The following GLRB variants were observed in gnomAD, a reference collection of about 807,000 sequenced individuals.
The protein encoded by GLRB is glycine receptor beta.
Under a neutral mutation model 54.2 loss-of-function variants are expected in GLRB, and 33 were observed. The ratio of observed to expected loss-of-function variants is 0.61; its 90% CI spans 0.46 to 0.81. GLRB has a LOEUF of 0.81. Among genes scored for constraint, GLRB ranks in the 40% least tolerant of loss-of-function variants. GLRB has a pLI of 0.00. For missense variants in GLRB, 572 were observed against 584.6 expected (o/e 0.98, Z 0.22); for synonymous variants, 209 against 208.2 (o/e 1.00, Z -0.03).
chr4:157,088,990 A>T (rs1274443484), intron 2 of GLRB, among the ~76,000 whole-genome samples: 3 of 152,150 alleles, frequency 2.0e-5, no homozygotes, highest in Non-Finnish European at 4.4e-5. Flanking sequence ...ACTTACCTTG[A>T]ATTTCCTTAA....
Position 157,171,987 on chromosome 4 carries a change from A to T in GLRB, c.*1259A>T, listed in dbSNP as rs1157588128. 6.6e-6 allele frequency: 1 copy of T among 151,892 alleles called. No individual in the cohort carries two copies. Among genetic ancestry groups the T allele is most frequent in the Admixed American group, 6.6e-5 (1 of 15,232 alleles). 9.4% of individuals were successfully genotyped at this position (151,892 alleles called of 1,614,324 possible). ...AAAACTATCAGTAATTCACATAGAT[A>T]AACATAAGACTAAAGAAGTATATTT... is the stretch of plus-strand genomic sequence containing the variant. On this transcript the variant is annotated 3_prime_UTR_variant, in exon 10 of 10. Transcript: ENST00000264428.
chr4:157,161,580 T>C (rs1345422830), intron 9 of GLRB, among the ~76,000 whole-genome samples: 2 of 152,202 alleles, frequency 1.3e-5, no homozygotes, highest in Non-Finnish European at 2.9e-5. Flanking sequence ...TATTTCTCCT[T>C]CACTTATGAA....
chr4:157,169,397 T>C (rs1737833699), intron 9 of GLRB, among the ~76,000 whole-genome samples: 2 of 152,240 alleles, frequency 1.3e-5, no homozygotes, highest in South Asian at 2.1e-4. Context: ...ACTCCTCTAA[T>C]CTAAGAGCAT....
intron 7 of GLRB, 38 bp downstream of exon 7, chr4:157,138,987 C>T: frequency 8.8e-7 from 1 of 1,142,578 alleles, no homozygotes; most frequent in Non-Finnish European, 1.3e-6. Context: ...AGTTCTATTT[C>T]AAAGATACAT....
At position 157,136,790 on chromosome 4, in the gene GLRB, A is replaced by G; in HGVS notation, c.528-14A>G. ...GTATATTAAATTATTTCTAAGACCCATTTCTGCTTCCAGGTTATCTATTAC... is the reference window on the plus strand; with the variant it reads ...GTATATTAAATTATTTCTAAGACCCGTTTCTGCTTCCAGGTTATCTATTAC... On this transcript the variant is annotated splice_polypyrimidine_tract_variant and intron_variant, in intron 5 of 9. Coordinates refer to ENST00000264428, the MANE Select transcript of GLRB (RefSeq NM_000824.5). The G allele has an allele frequency of 6.3e-7, 1 of 1,583,684 alleles. No individual in the cohort carries two copies. The highest frequency in any genetic ancestry group is 1.1e-5 in the South Asian group (1 of 90,470).
intron 5 of GLRB, 26 bp downstream of exon 5, chr4:157,136,724 G>A (rs1736416427): frequency 1.3e-6 from 2 of 1,522,916 alleles, no homozygotes; most frequent in Non-Finnish European, 1.8e-6. Context: ...TCATATTTGT[G>A]CATTTATATT....
chr4:157,079,847 A>T (rs1206779037), intron 2 of GLRB, among the ~76,000 whole-genome samples: 2 of 152,130 alleles, frequency 1.3e-5, no homozygotes, highest in Admixed American at 1.3e-4. Flanking sequence ...CTTTTCTTTG[A>T]TGAATGTTGG....
chr4:157,099,933 G>A (rs111691723), intron 2 of GLRB, among the ~76,000 whole-genome samples: 2,114 of 151,908 alleles, frequency 0.014, 36 homozygotes, highest in Non-Finnish European at 0.021. Context: ...GCACCTTTTC[G>A]CCTGTAAACT....
chr4:157,137,474 C>T (rs1736443463), intron 6 of GLRB, among the ~76,000 whole-genome samples: 1 of 149,518 alleles, frequency 6.7e-6, no homozygotes, highest in Non-Finnish European at 1.5e-5. Context: ...AAAAGTAGAA[C>T]ATAAACCTCA....
At chr4:157,144,042 C>A in intron 8 of GLRB, 83 bp downstream of exon 8, 2 of 1,367,658 alleles carry the variant, frequency 1.5e-6, no homozygotes, top group African/African-American at 1.4e-5. Context: ...TACTTTGAAA[C>A]AATGAGTTTT....
intron 2 of GLRB, among the ~76,000 whole-genome samples, chr4:157,114,567 C>T (rs1735538442): frequency 6.6e-6 from 1 of 151,568 alleles, no homozygotes; most frequent in Non-Finnish European, 1.5e-5. Context: ...TTGGTCTTTA[C>T]CTTAAGTCGT....
chr4:157,131,394 C>G (rs1413248818), intron 4 of GLRB, among the ~76,000 whole-genome samples: 1 of 151,618 alleles, frequency 6.6e-6, no homozygotes, highest in Admixed American at 6.6e-5. Flanking sequence ...ATAAACACAC[C>G]AAATTGATAC....
Position 157,152,623 on chromosome 4 carries a change from G to A in GLRB, c.905-95G>A, listed in dbSNP as rs1200264636. 3 of 945,264 alleles carry A rather than the reference G, an allele frequency of 3.2e-6. No homozygotes were observed. The African/African-American group carries it at 4.8e-5, about 15-fold the overall frequency. The allele number at this position is 945,264 out of a possible 1,614,324, so 58.6% of individuals were successfully genotyped here. A position where few individuals can be genotyped will look rare whatever the true frequency, so the allele number is the denominator to read the frequency against. On this transcript the variant is annotated intron_variant, in intron 8 of 9. Coordinates refer to ENST00000264428, the MANE Select transcript of GLRB (RefSeq NM_000824.5). ...CTGACAAATTGTTCATGGGTCATTGGAAGTTACTGGAGACGGATTTAGTCA... is the reference window on the plus strand; with the variant it reads ...CTGACAAATTGTTCATGGGTCATTGAAAGTTACTGGAGACGGATTTAGTCA...
chr4:157,078,929 C>T (rs1336808460), intron 2 of GLRB, among the ~76,000 whole-genome samples: 6 of 152,122 alleles, frequency 3.9e-5, no homozygotes, highest in Admixed American at 6.5e-5. Flanking sequence ...CCCACCACCA[C>T]GCCCAGCTAA....
At chr4:157,143,169 C>T (rs1204119426) in intron 7 of GLRB, among the ~76,000 whole-genome samples, 1 of 151,992 alleles carries the variant, frequency 6.6e-6, no homozygotes, top group Admixed American at 6.6e-5. Context: ...CTTTGAGAGC[C>T]TGAAGTAGAG....
At chr4:157,089,974 T>C (rs561700598) in intron 2 of GLRB, among the ~76,000 whole-genome samples, 1 of 152,328 alleles carries the variant, frequency 6.6e-6, no homozygotes, top group South Asian at 2.1e-4. Context: ...GGTTTAGAAA[T>C]GATTATTGCA....
At chr4:157,119,819 G>A (rs894992734) in intron 2 of GLRB, among the ~76,000 whole-genome samples, 8 of 151,768 alleles carry the variant, frequency 5.3e-5, no homozygotes, top group Non-Finnish European at 1.0e-4. Context: ...GTGGAAGTCA[G>A]TGTGGCGATT....
At chr4:157,089,392 G>A (rs1734527220) in intron 2 of GLRB, among the ~76,000 whole-genome samples, 1 of 152,116 alleles carries the variant, frequency 6.6e-6, no homozygotes, top group South Asian at 2.1e-4. Context: ...GCGACAGAGG[G>A]AGACCCTGTT....
At chr4:157,079,114 A>G (rs924851901) in intron 2 of GLRB, among the ~76,000 whole-genome samples, 1 of 152,192 alleles carries the variant, frequency 6.6e-6, no homozygotes, top group African/African-American at 2.4e-5. Context: ...TTACTGGTCA[A>G]TGAAAGTAAA....
Sources: gnomAD v4.1 joint callset for allele counts (sites outside exome capture counted in the v4.1 genomes callset) on GRCh38, gnomAD v4.1.1 for gene constraint, MANE v1.5 for transcripts, NCBI Gene and HGNC (gene_info 2026-07-23, HGNC 2026-07-21) for gene names.